The following GOLGA6B variants were observed in gnomAD, a reference collection of about 807,000 sequenced individuals.
GOLGA6B encodes the protein golgin subfamily A member 6B.
In GOLGA6B, 11 loss-of-function variants were observed where a neutral mutation model predicts 63.0. The ratio of observed to expected loss-of-function variants is 0.17; its 90% CI spans 0.11 to 0.29. The LOEUF is 0.29. Ranked by LOEUF, GOLGA6B falls within the 10% of genes least tolerant of loss-of-function variation. The pLI is 1.00. For synonymous variants in GOLGA6B, 46 were observed against 232.6 expected (o/e 0.20, Z 7.30); for missense variants, 134 against 563.8 (o/e 0.24, Z 7.72).
At position 72,661,473 on chromosome 15, in the gene GOLGA6B, AAAAC is replaced by A. The variant is rs2064597303; in HGVS notation, c.669_672del (p.Gln224SerfsTer3). The A allele has an allele frequency of 7.3e-7, 1 of 1,362,984 alleles. No homozygotes were observed. The highest frequency in any genetic ancestry group is 1.5e-5 in the African/African-American group (1 of 65,744). 84.4% of individuals were successfully genotyped at this position (1,362,984 alleles called of 1,614,324 possible). ...ATTTCTTGCAGGTGACAGAGTCACT[AAAAC>A]AAGTCCAGCTAGAGCGAGACGAATA... On this transcript the variant is annotated frameshift_variant, in exon 9 of 18. Coordinates refer to ENST00000421285, the MANE Select transcript of GOLGA6B (RefSeq NM_018652.5). LOFTEE classifies it high-confidence loss of function.
rs1889313229 is a variant in GOLGA6B at position 72,665,054 on chromosome 15, G to GT, written c.1593+19_1593+20insT. 1 of 808,050 alleles carries GT rather than the reference G, an allele frequency of 1.2e-6. No individual in the cohort carries two copies. The highest frequency in any genetic ancestry group is 2.0e-6 in the Non-Finnish European group (1 of 497,324). The allele number at this position is 808,050 out of a possible 1,614,324, so 50.1% of individuals were successfully genotyped here. ...GGCCACGGTGAGCCTGACTTTCCCTGCCCCGCTTTGCCACCTTCCTCTGTG... is the reference window on the plus strand; with the variant it reads ...GGCCACGGTGAGCCTGACTTTCCCTGTCCCCGCTTTGCCACCTTCCTCTGTG... On this transcript the variant is annotated intron_variant, in intron 14 of 17. Coordinates refer to ENST00000421285, the MANE Select transcript of GOLGA6B (RefSeq NM_018652.5).
At position 72,666,290 on chromosome 15, in the gene GOLGA6B, A is replaced by G. The variant is rs549411261; in HGVS notation, c.2030A>G (p.Asn677Ser). 36 of 1,582,156 alleles carry G rather than the reference A, an allele frequency of 2.3e-5. No individual in the cohort carries two copies. The East Asian group carries it at 6.4e-4, about 28-fold the overall frequency. ...GAAREGSPHD[N>S]PTVQQIVQLS... ...GCCAGGGAGGGTTCTCCCCATGACA[A>G]CCCCACTGTACAGCAGATCGTGCAG... The change falls in exon 18 of 18, where the codon AAC becomes AGC. Residue 677 changes from asparagine (N) to serine (S), a missense_variant. Asn to Ser is a conservative substitution (Grantham distance 46). Coordinates refer to ENST00000421285, the MANE Select transcript of GOLGA6B (RefSeq NM_018652.5).
rs2064646798 is a variant in GOLGA6B at position 72,667,854 on chromosome 15, C to T, written c.*1512C>T. On this transcript the variant is annotated 3_prime_UTR_variant, in exon 18 of 18. Coordinates refer to ENST00000421285, the MANE Select transcript of GOLGA6B (RefSeq NM_018652.5). ...AGTATTATGAGAAAAAGTGTCTATA[C>T]AATGACAGACTTACGTTTCCTCACA... Among the ~76,000 whole-genome samples the T allele has an allele frequency of 5.4e-5, 2 of 37,012 alleles. 1 individual carries two copies. Among genetic ancestry groups the T allele is most frequent in the Non-Finnish European group, 4.0e-4 (2 of 5,050 alleles). The allele number at this position is 37,012 out of a possible 152,430, so 24.3% of individuals were successfully genotyped here. A position where few individuals can be genotyped will look rare whatever the true frequency, so the allele number is the denominator to read the frequency against.
intron 2 of GOLGA6B, among the ~76,000 whole-genome samples, chr15:72,657,524 A>C: frequency 1.1e-5 from 1 of 94,408 alleles, no homozygotes; most frequent in African/African-American, 4.4e-5. Flanking sequence ...TCTTCCTCCT[A>C]CCCTGACTTT....
chr15:72,663,638 A>C lies in GOLGA6B; in HGVS notation c.1425+533A>C, dbSNP rs744403. Among the ~76,000 whole-genome samples the C allele has an allele frequency of 2.4e-5, 3 of 125,930 alleles. 1 individual carries two copies. The South Asian group carries it at 8.9e-4, about 37-fold the overall frequency. 82.6% of individuals were successfully genotyped at this position (125,930 alleles called of 152,430 possible). A position where few individuals can be genotyped will look rare whatever the true frequency, so the allele number is the denominator to read the frequency against. On this transcript the variant is annotated intron_variant, in intron 12 of 17. Coordinates refer to ENST00000421285, the MANE Select transcript of GOLGA6B (RefSeq NM_018652.5). ...GGTTGCAGTGAGCTGAGATTGCACCACTGCACTCCAGCCTGGGCCACAGAG... is the reference window on the plus strand; with the variant it reads ...GGTTGCAGTGAGCTGAGATTGCACCCCTGCACTCCAGCCTGGGCCACAGAG...
chr15:72,662,235 T>C lies in GOLGA6B; in HGVS notation c.848-17T>C, dbSNP rs2064602449. 3 of 1,385,464 alleles carry C rather than the reference T, an allele frequency of 2.2e-6. No homozygotes were observed. Among genetic ancestry groups the C allele is most frequent in the Non-Finnish European group, 2.9e-6 (3 of 1,024,418 alleles). 85.8% of individuals were successfully genotyped at this position (1,385,464 alleles called of 1,614,324 possible). A position where few individuals can be genotyped will look rare whatever the true frequency, so the allele number is the denominator to read the frequency against. ...TTGGGGAATCCAGAGGCCCTTATTGTCTGCTTCATTTCTCAGCTAAGCCCC... is the reference window on the plus strand; with the variant it reads ...TTGGGGAATCCAGAGGCCCTTATTGCCTGCTTCATTTCTCAGCTAAGCCCC... On this transcript the variant is annotated splice_polypyrimidine_tract_variant and intron_variant, in intron 10 of 17. Coordinates refer to ENST00000421285, the MANE Select transcript of GOLGA6B (RefSeq NM_018652.5).
At chr15:72,664,746 G>C (rs796591546) in intron 13 of GOLGA6B, 198 bp from the exon 14 acceptor site, 1 of 528,534 alleles carries the variant, frequency 1.9e-6, no homozygotes, top group African/African-American at 2.2e-5. Flanking sequence ...CAGGACTCCC[G>C]CACCGACCGG....
intron 12 of GOLGA6B, among the ~76,000 whole-genome samples, chr15:72,664,137 A>C (rs1325497552): frequency 7.7e-6 from 1 of 130,440 alleles, no homozygotes; most frequent in Admixed American, 7.6e-5. Flanking sequence ...GTGGAGCTGA[A>C]GAGCCAAGGG....
In GOLGA6B at chr15:72,662,277, A is replaced by G. The variant is rs781022435; in HGVS notation, c.873A>G (p.Pro291=). ...QMAKPPSLAP[P]AVTSVVEQLQ... The stretch of plus-strand genomic sequence containing the variant: ...CTAAGCCCCCATCCCTGGCGCCCCC[A>G]GCAGTGACCTCTGTGGTGGAACAGC... The change falls in exon 11 of 18, where the codon CCA becomes CCG. Residue 291 remains proline, a synonymous_variant. Transcript: ENST00000421285. The G allele has an allele frequency of 7.3e-7, 1 of 1,375,964 alleles. No homozygotes were observed. The highest frequency in any genetic ancestry group is 9.8e-7 in the Non-Finnish European group (1 of 1,020,260). 85.2% of individuals were successfully genotyped at this position (1,375,964 alleles called of 1,614,324 possible). A position where few individuals can be genotyped will look rare whatever the true frequency, so the allele number is the denominator to read the frequency against.
intron 7 of GOLGA6B, among the ~76,000 whole-genome samples, chr15:72,660,664 A>C (rs1041285360): frequency 9.0e-6 from 1 of 111,276 alleles, no homozygotes; most frequent in Admixed American, 8.8e-5. Flanking sequence ...TTCATAAAAA[A>C]CTCAGGAGAG....
At position 72,667,712 on chromosome 15, in the gene GOLGA6B, T is replaced by G. The variant is rs2064646356; in HGVS notation, c.*1370T>G. 2.7e-5 allele frequency among the ~76,000 whole-genome samples: 4 copies of G among 148,810 alleles called. No homozygotes were observed. The highest frequency in any genetic ancestry group is 9.9e-5 in the African/African-American group (4 of 40,320). On this transcript the variant is annotated 3_prime_UTR_variant, in exon 18 of 18. Coordinates refer to ENST00000421285, the MANE Select transcript of GOLGA6B (RefSeq NM_018652.5). ...ACCAATATATGTGAGAGTACTTAGT[T>G]GAAACAAAAAGGAGTTTTAGTAGAC...
At chr15:72,664,293 A>G in intron 12 of GOLGA6B, 143 bp from the exon 13 acceptor site, 3 of 1,114,296 alleles carry the variant, frequency 2.7e-6, no homozygotes, top group South Asian at 3.4e-5. Context: ...CTGCAGCAGC[A>G]GGAAGCTTGG....
At position 72,662,507 on chromosome 15, in the gene GOLGA6B, G is replaced by A. The variant is rs200411021; in HGVS notation, c.1103G>A (p.Arg368Gln). ...ERLCEQNERLREQQKTLQEQG... is the reference protein window; with the variant it reads ...ERLCEQNERLQEQQKTLQEQG... ...CTGTGTGAACAAAACGAGAGGCTTC[G>A]GGAGCAGCAGAAGACGCTACAGGAG... The change falls in exon 11 of 18, where the codon CGG (arginine) becomes CAG (glutamine). Residue 368 changes from arginine to glutamine, a missense_variant. Physicochemically the swap from Arg to Gln is conservative, Grantham distance 43. Transcript: ENST00000421285. 18,654 of 1,448,730 alleles carry A rather than the reference G, an allele frequency of 0.013. 2,953 individuals carry two copies. Among genetic ancestry groups the A allele is most frequent in the Non-Finnish European group, 0.015 (16,191 of 1,057,438 alleles). The allele number at this position is 1,448,730 out of a possible 1,614,324, so 89.7% of individuals were successfully genotyped here. A position where few individuals can be genotyped will look rare whatever the true frequency, so the allele number is the denominator to read the frequency against.
In GOLGA6B at chr15:72,666,209, C is replaced by T; in HGVS notation, c.1955-6C>T. ...TGCTCAGACCCCCGCCTCCCTCTCTCTGAAGATTTTTATGAAGTGAGCCTG... is the reference window on the plus strand; with the variant it reads ...TGCTCAGACCCCCGCCTCCCTCTCTTTGAAGATTTTTATGAAGTGAGCCTG... On this transcript the variant is annotated splice_region_variant and splice_polypyrimidine_tract_variant and intron_variant, in intron 17 of 17. Coordinates refer to ENST00000421285, the MANE Select transcript of GOLGA6B (RefSeq NM_018652.5). 6.2e-7 allele frequency: 1 copy of T among 1,606,956 alleles called. No homozygotes were observed. The highest frequency in any genetic ancestry group is 8.5e-7 in the Non-Finnish European group (1 of 1,178,098).
In GOLGA6B at chr15:72,669,172, G is replaced by A. The variant is rs1374644031; in HGVS notation, c.*2830G>A. 6.6e-6 allele frequency among the ~76,000 whole-genome samples: 1 copy of A among 152,106 alleles called. No homozygotes were observed. Among genetic ancestry groups the A allele is most frequent in the Non-Finnish European group, 1.5e-5 (1 of 67,998 alleles). The stretch of plus-strand genomic sequence containing the variant: ...TTAAAGTATTTGTTTAACCTGATGG[G>A]TTTTCCAGAAATGAAAACAAGTCAG... On this transcript the variant is annotated 3_prime_UTR_variant, in exon 18 of 18. Transcript: ENST00000421285.
chr15:72,657,570 C>T (rs1595887181), intron 2 of GOLGA6B, among the ~76,000 whole-genome samples: 1 of 46,042 alleles, frequency 2.2e-5, no homozygotes, highest in African/African-American at 1.1e-4. Context: ...TCTTTCACCC[C>T]CTGCCCTTGT....
chr15:72,657,344 T>G (rs1341923153), intron 2 of GOLGA6B, among the ~76,000 whole-genome samples: 2 of 146,124 alleles, frequency 1.4e-5, no homozygotes, highest in Non-Finnish European at 3.0e-5. Flanking sequence ...CGTATTAAGA[T>G]CTGCATTGGT....
chr15:72,657,425 G>A (rs1009265589), intron 2 of GOLGA6B, among the ~76,000 whole-genome samples: 125 of 151,348 alleles, frequency 8.3e-4, no homozygotes, highest in Non-Finnish European at 9.4e-4. Context: ...CCCCTGGCAA[G>A]GCAGCAGGTG....
At chr15:72,660,561 C>T (rs2064590561) in intron 7 of GOLGA6B, among the ~76,000 whole-genome samples, 1 of 91,588 alleles carries the variant, frequency 1.1e-5, no homozygotes, top group South Asian at 3.3e-4. Context: ...TAGTATGTTA[C>T]CATTTCTGTA....
Sources: gnomAD v4.1 joint callset for allele counts (sites outside exome capture counted in the v4.1 genomes callset) on GRCh38, gnomAD v4.1.1 for gene constraint, MANE v1.5 for transcripts, NCBI Gene and HGNC (gene_info 2026-07-23, HGNC 2026-07-21) for gene names.